Variants in NHSL1 observed in about 807,000 individuals in gnomAD.
NHSL1 encodes the protein NHS like 1, also known as NHS-like protein 1.
Under a neutral mutation model 95.0 loss-of-function variants are expected in NHSL1, and 48 were observed. That is an observed-to-expected ratio of 0.51 (90% confidence interval 0.40 to 0.64). NHSL1 has a LOEUF of 0.64. Ranked by LOEUF, NHSL1 falls within the 30% of genes least tolerant of loss-of-function variation. The pLI is 0.00. For missense variants in NHSL1, 1,971 were observed against 2,077.7 expected (o/e 0.95, Z 1.00); for synonymous variants, 783 against 833.9 (o/e 0.94, Z 1.05).
At chr6:138,545,926 G>A (rs1052480068), upstream of NHSL1, 27 of 714,930 alleles carry the variant, frequency 3.8e-5, no homozygotes, top group African/African-American at 4.6e-4. Flanking sequence ...ATAGTCCAGT[G>A]CAGATCAGCC....
chr6:138,688,650 T>A (rs1159488070), intron 1 of NHSL1, among the ~76,000 whole-genome samples: 1 of 151,760 alleles, frequency 6.6e-6, no homozygotes, highest in Non-Finnish European at 1.5e-5. Flanking sequence ...CTCAAAAAAA[T>A]TAAAATAAAA....
intron 1 of NHSL1, among the ~76,000 whole-genome samples, chr6:138,636,054 C>T (rs1040553388): frequency 3.4e-5 from 5 of 145,660 alleles, no homozygotes; most frequent in East Asian, 2.0e-4. Context: ...ACCCAGGAGG[C>T]GAAGGTTGCA....
chr6:138,425,976 T>C (rs1044658181), intron 7 of NHSL1, among the ~76,000 whole-genome samples: 3 of 152,148 alleles, frequency 2.0e-5, no homozygotes, highest in Non-Finnish European at 2.9e-5. Context: ...AGCTGAAGGT[T>C]TCCTGTAGGT....
At chr6:138,627,069 A>C (rs1283496176) in intron 1 of NHSL1, among the ~76,000 whole-genome samples, 1 of 152,172 alleles carries the variant, frequency 6.6e-6, no homozygotes, top group East Asian at 1.9e-4. Context: ...TTCTATTCTA[A>C]GGGAAATAAT....
chr6:138,615,866 CA>C (rs1784571968), intron 1 of NHSL1, among the ~76,000 whole-genome samples: 1 of 152,194 alleles, frequency 6.6e-6, no homozygotes, highest in Admixed American at 6.5e-5. Context: ...AAGTTTACAT[CA>C]ATACCTGTGA....
chr6:138,518,377 T>TA (rs996007064), intron 1 of NHSL1, among the ~76,000 whole-genome samples: 2 of 150,582 alleles, frequency 1.3e-5, no homozygotes, highest in Non-Finnish European at 3.0e-5. Context: ...TGGAGAGCTT[T>TA]AAAAAATTAC....
At chr6:138,524,051 T>C (rs902689115) in intron 1 of NHSL1, among the ~76,000 whole-genome samples, 2 of 152,154 alleles carry the variant, frequency 1.3e-5, no homozygotes, top group African/African-American at 4.8e-5. Flanking sequence ...AGTAGGAAGC[T>C]AAGTAATTTC....
intron 1 of NHSL1, among the ~76,000 whole-genome samples, chr6:138,621,472 A>AT (rs35502435): frequency 0.23 from 33,499 of 148,786 alleles, 3,729 homozygotes; most frequent in Middle Eastern, 0.26. Context: ...AGTATCATTG[A>AT]TTTTTTTTTT....
Position 138,432,971 on chromosome 6 carries a change from A to G in NHSL1, c.1374T>C (p.His458=), listed in dbSNP as rs574124876. The change falls in exon 6 of 8, where the codon CAT becomes CAC. Residue 458 remains histidine (H), a synonymous_variant. Coordinates refer to ENST00000343505, the MANE Select transcript of NHSL1 (RefSeq NM_001144060.2). This position sits in a 1 kb window ranked among gnomAD's most constrained non-coding sequence, Gnocchi z 4.4. ...GAGACTGAGGATCACCTTTCACAGC[A>G]TGCCTGGAGATGAGGTGGTCTCTGG... ...IKSRDHLISR[H]AVKGDPQSPG... is the part of the protein sequence containing the mutation. 1 of 1,551,388 alleles carries G rather than the reference A, an allele frequency of 6.4e-7. No individual in the cohort carries two copies. The highest frequency in any genetic ancestry group is 2.0e-5 in the Admixed American group (1 of 51,006).
At chr6:138,463,725 G>A (rs1778155188) in intron 3 of NHSL1, among the ~76,000 whole-genome samples, 1 of 151,804 alleles carries the variant, frequency 6.6e-6, no homozygotes, top group African/African-American at 2.4e-5. Flanking sequence ...CCCGGTGTGT[G>A]ATGTTCCCCT....
intron 1 of NHSL1, among the ~76,000 whole-genome samples, chr6:138,686,964 C>G (rs1388536431): frequency 6.6e-6 from 1 of 152,206 alleles, no homozygotes; most frequent in Non-Finnish European, 1.5e-5. Context: ...AATCTGACCA[C>G]TCAGCTACTG....
intron 3 of NHSL1, among the ~76,000 whole-genome samples, chr6:138,455,046 T>C (rs1777492578): frequency 1.3e-5 from 2 of 152,216 alleles, no homozygotes; most frequent in South Asian, 4.1e-4. Context: ...ATTGGAGACA[T>C]TCTCACTGGT....
chr6:138,632,117 T>C lies in NHSL1; in HGVS notation c.96+60359A>G, dbSNP rs1203046714. Reference sequence around the variant, plus strand: ...CGTGGGCCTGTGGTGGCAATGCCCATGGGAGGAAGCTCCTCTGCCTTGGGA... The same window carrying C: ...CGTGGGCCTGTGGTGGCAATGCCCACGGGAGGAAGCTCCTCTGCCTTGGGA... On this transcript the variant is annotated intron_variant, in intron 1 of 3. Transcript: ENST00000491526. Among the ~76,000 whole-genome samples, 6 of 152,148 alleles carry C rather than the reference T, an allele frequency of 3.9e-5. No homozygotes were observed. In the South Asian group the frequency reaches 1.2e-3, roughly 32 times the overall value.
chr6:138,496,172 G>A, intron 2 of NHSL1, 47 bp downstream of exon 2: 1 of 1,541,052 alleles, frequency 6.5e-7, no homozygotes, highest in Non-Finnish European at 8.8e-7. Flanking sequence ...TATGCTCTCA[G>A]CAGCCAGTAA....
chr6:138,692,187 GAC>G lies in NHSL1; in HGVS notation c.96+287_96+288del, dbSNP rs1397545752. On this transcript the variant is annotated intron_variant, in intron 1 of 3. Transcript: ENST00000491526. The surrounding 1 kb of genome is among the most constrained non-coding windows in gnomAD (Gnocchi z 4.0). ...CGCCCCGGGGTCTCCCAAACAGACA[GAC>G]ACAGACAGACAGAAGGAGCAGACAA... 6 of 456,610 alleles carry G rather than the reference GAC, an allele frequency of 1.3e-5. No homozygotes were observed. The highest frequency in any genetic ancestry group is 2.6e-5 in the Non-Finnish European group (6 of 226,966). The allele number at this position is 456,610 out of a possible 1,614,324, so 28.3% of individuals were successfully genotyped here.
At chr6:138,601,367 C>A (rs563736937) in intron 1 of NHSL1, among the ~76,000 whole-genome samples, 1 of 152,138 alleles carries the variant, frequency 6.6e-6, no homozygotes. Context: ...GTTAGAAAAC[C>A]CTTTAACCTT....
rs757850431 is a variant in NHSL1, at chr6:138,430,605, G to T, written c.3740C>A (p.Ser1247Tyr). The T allele has an allele frequency of 3.2e-6, 5 of 1,550,440 alleles. No individual in the cohort carries two copies. The South Asian group carries it at 4.8e-5, about 15-fold the overall frequency. The change falls in exon 6 of 8, where the codon TCT becomes TAT. Residue 1247 changes from serine to tyrosine, a missense_variant. Around this residue, in one of 3 missense-constraint regions of NHSL1, gnomAD observed 1,602 missense variants for 1,654.5 expected, o/e 0.97. Coordinates refer to ENST00000343505, the MANE Select transcript of NHSL1 (RefSeq NM_001144060.2). This position sits in a 1 kb window ranked among gnomAD's most constrained non-coding sequence, Gnocchi z 4.7. ...GGCATGAGAGCCAGCTTGGGCTGCAGAACTCTCTTTTGCCTCCCTGCTGTG... is the reference window on the plus strand; with the variant it reads ...GGCATGAGAGCCAGCTTGGGCTGCATAACTCTCTTTTGCCTCCCTGCTGTG... The part of the protein sequence containing the change: ...SVHSREAKES[S>Y]AAQAGSHATH...
intron 1 of NHSL1, among the ~76,000 whole-genome samples, chr6:138,633,911 A>G (rs1457818893): frequency 6.6e-6 from 1 of 152,188 alleles, no homozygotes; most frequent in Non-Finnish European, 1.5e-5. Context: ...AATAGAAACA[A>G]CAAACAGTTA....
chr6:138,533,544 G>A (rs544909835), intron 1 of NHSL1, among the ~76,000 whole-genome samples: 7 of 152,052 alleles, frequency 4.6e-5, no homozygotes, highest in South Asian at 4.2e-4. Flanking sequence ...GCAAAACTCC[G>A]TCTCAAAAAA....
Sources: gnomAD v4.1 joint callset for allele counts (sites outside exome capture counted in the v4.1 genomes callset) on GRCh38, gnomAD v4.1.1 for gene constraint, gnomAD v4.1.1 regional missense constraint, Gnocchi (gnomAD v3.1) non-coding constraint, MANE v1.5 for transcripts, NCBI Gene and HGNC (gene_info 2026-07-23, HGNC 2026-07-21) for gene names.